The following CCSER1 variants were observed in gnomAD, a reference collection of about 807,000 sequenced individuals.
CCSER1 encodes serine-rich coiled-coil domain-containing protein 1.
Under a neutral mutation model 82.0 loss-of-function variants are expected in CCSER1, and 41 were observed. That is an observed-to-expected ratio of 0.50 (90% confidence interval 0.39 to 0.65). CCSER1 has a LOEUF of 0.65. Among genes scored for constraint, CCSER1 ranks in the 30% least tolerant of loss-of-function variants. CCSER1 has a pLI of 0.00. For missense variants in CCSER1, 1,119 were observed against 1,064.2 expected (o/e 1.05, Z -0.72); for synonymous variants, 414 against 383.9 (o/e 1.08, Z -0.92).
chr4:90,940,807 G>A (rs1259890006), intron 9 of CCSER1, among the ~76,000 whole-genome samples: 1 of 152,060 alleles, frequency 6.6e-6, no homozygotes, highest in Admixed American at 6.6e-5. Flanking sequence ...TGAAGAAGTC[G>A]AGTAACTTTC....
At chr4:91,556,232 C>T (rs1762392735) in intron 10 of CCSER1, among the ~76,000 whole-genome samples, 1 of 151,086 alleles carries the variant, frequency 6.6e-6, no homozygotes, top group Non-Finnish European at 1.5e-5. Flanking sequence ...CAGTTAAATA[C>T]TTTAGCTTTA....
chr4:90,822,924 CCT>C (rs1214929965), intron 8 of CCSER1, among the ~76,000 whole-genome samples: 15 of 152,016 alleles, frequency 9.9e-5, no homozygotes, highest in Admixed American at 5.3e-4. Context: ...TCATAATCTT[CCT>C]CTGTTTACTA....
In CCSER1 at chr4:91,154,004, C is replaced by A. The variant is rs112654343; in HGVS notation, c.2217+68010C>A. Among the ~76,000 whole-genome samples, 506 of 152,102 alleles carry A rather than the reference C, an allele frequency of 3.3e-3. 5 individuals are homozygous for A. The highest frequency in any genetic ancestry group is 0.012 in the African/African-American group (486 of 41,544). On this transcript the variant is annotated intron_variant, in intron 10 of 10. Transcript: ENST00000509176. ...TCTGTCCATCCTCAGATCTCAAACT[C>A]TGTGCTGGGAGAACCACTACTCTCT... is the stretch of plus-strand genomic sequence containing the variant.
intron 10 of CCSER1, among the ~76,000 whole-genome samples, chr4:91,476,557 T>C (rs1408116882): frequency 6.6e-6 from 1 of 151,712 alleles, no homozygotes; most frequent in Admixed American, 6.6e-5. Flanking sequence ...GATCCTAAAA[T>C]TTATATGGAA....
chr4:91,221,847 A>T (rs547222480), intron 10 of CCSER1, among the ~76,000 whole-genome samples: 1 of 152,266 alleles, frequency 6.6e-6, no homozygotes, highest in Non-Finnish European at 1.5e-5. Flanking sequence ...GGTTATGCTC[A>T]GAAAAATGGG....
At chr4:91,135,117 G>GA (rs1304427743) in intron 10 of CCSER1, among the ~76,000 whole-genome samples, 2 of 150,908 alleles carry the variant, frequency 1.3e-5, no homozygotes, top group Non-Finnish European at 3.0e-5. Flanking sequence ...GACTACAAAA[G>GA]AAAAAACAGT....
At chr4:91,257,050 T>A (rs573806918) in intron 10 of CCSER1, among the ~76,000 whole-genome samples, 1 of 152,290 alleles carries the variant, frequency 6.6e-6, no homozygotes, top group African/African-American at 2.4e-5. Flanking sequence ...AAGAGATAAA[T>A]CTTGTTTCAC....
At chr4:90,448,128 T>A (rs941665581) in intron 4 of CCSER1, among the ~76,000 whole-genome samples, 4 of 152,032 alleles carry the variant, frequency 2.6e-5, no homozygotes, top group African/African-American at 9.7e-5. Context: ...ACCTTCTTTT[T>A]CTCCTTTAAA....
At chr4:91,516,058 A>G (rs1254222916) in intron 10 of CCSER1, among the ~76,000 whole-genome samples, 3 of 151,682 alleles carry the variant, frequency 2.0e-5, no homozygotes, top group African/African-American at 4.8e-5. Context: ...ATGGGGTTGT[A>G]TGTTTTTTGC....
chr4:90,726,853 A>G (rs1219959349), intron 7 of CCSER1, among the ~76,000 whole-genome samples: 1 of 152,128 alleles, frequency 6.6e-6, no homozygotes, highest in Non-Finnish European at 1.5e-5. Context: ...AAGTAGAACT[A>G]CTTGATAAGA....
intron 7 of CCSER1, among the ~76,000 whole-genome samples, chr4:90,732,381 A>G (rs1403070340): frequency 6.6e-6 from 1 of 152,090 alleles, no homozygotes. Context: ...ACTCGCCTCT[A>G]CCAGCAATGT....
intron 1 of CCSER1, among the ~76,000 whole-genome samples, chr4:90,258,134 A>T (rs11943059): frequency 0.045 from 6,819 of 152,190 alleles, 397 homozygotes; most frequent in African/African-American, 0.13. Context: ...CCAGATAATA[A>T]TTTCTGGTTT....
At chr4:90,591,374 G>C (rs866963265) in intron 5 of CCSER1, among the ~76,000 whole-genome samples, 2 of 152,110 alleles carry the variant, frequency 1.3e-5, no homozygotes, top group African/African-American at 4.8e-5. Context: ...CTTTCAAGGA[G>C]AATATGAACA....
intron 5 of CCSER1, among the ~76,000 whole-genome samples, chr4:90,500,607 C>T (rs375643297): frequency 2.0e-4 from 31 of 152,176 alleles, no homozygotes; most frequent in East Asian, 9.6e-4. Context: ...CTAGGATTAC[C>T]GGCGAGAACC....
intron 10 of CCSER1, among the ~76,000 whole-genome samples, chr4:91,548,235 A>G (rs1345451700): frequency 6.6e-6 from 1 of 152,212 alleles, no homozygotes; most frequent in East Asian, 1.9e-4. Flanking sequence ...ATAACACCAT[A>G]CAACTTCACA....
intron 9 of CCSER1, among the ~76,000 whole-genome samples, chr4:91,078,547 C>A (rs1014524161): frequency 5.3e-5 from 8 of 152,194 alleles, no homozygotes; most frequent in Non-Finnish European, 8.8e-5. Context: ...CAGCTCCTCG[C>A]CAGCAATGGA....
chr4:90,485,724 G>T (rs555580135), intron 5 of CCSER1, among the ~76,000 whole-genome samples: 16 of 152,118 alleles, frequency 1.1e-4, no homozygotes, highest in Admixed American at 5.9e-4. Flanking sequence ...ATAAGCCCCA[G>T]TGTGTGTTGT....
chr4:90,352,796 G>C (rs912817397), intron 3 of CCSER1, among the ~76,000 whole-genome samples: 5 of 152,068 alleles, frequency 3.3e-5, no homozygotes, highest in Admixed American at 6.6e-5. Context: ...ATACCTTGAG[G>C]ACTAAGGAAA....
At chr4:90,457,378 G>A (rs1166154336) in intron 4 of CCSER1, among the ~76,000 whole-genome samples, 1 of 152,094 alleles carries the variant, frequency 6.6e-6, no homozygotes, top group Non-Finnish European at 1.5e-5. Context: ...TGACTAGGGG[G>A]GCATGTTTCA....
Sources: gnomAD v4.1 joint callset for allele counts (sites outside exome capture counted in the v4.1 genomes callset) on GRCh38, gnomAD v4.1.1 for gene constraint, MANE v1.5 for transcripts, NCBI Gene and HGNC (gene_info 2026-07-23, HGNC 2026-07-21) for gene names.